Variants in ITGB3 observed in about 807,000 individuals in gnomAD.
ITGB3 encodes the protein integrin beta-3.
Under a neutral mutation model 85.8 loss-of-function variants are expected in ITGB3, and 48 were observed. That is an observed-to-expected ratio of 0.56 (90% CI 0.44 to 0.71). ITGB3 has a LOEUF of 0.71. ITGB3 is among the 30% of genes least tolerant of loss of function. The pLI, the probability that ITGB3 is intolerant of heterozygous loss-of-function variation, is 0.00. For missense variants in ITGB3, 861 were observed against 1,019.1 expected, an observed-to-expected ratio of 0.84 and a Z score of 2.11; for synonymous variants, 363 against 395.6, an observed-to-expected ratio of 0.92 and a Z score of 0.98.
At chr17:47,279,137 C>G (rs1389608125) in intron 2 of ITGB3, among the ~76,000 whole-genome samples, 1 of 152,096 alleles carries the variant, frequency 6.6e-6, no homozygotes, top group Non-Finnish European at 1.5e-5. Context: ...AGAATGGTAC[C>G]AAGAGCGTGT....
At chr17:47,259,121 G>C (rs2065000401) in intron 1 of ITGB3, among the ~76,000 whole-genome samples, 1 of 152,190 alleles carries the variant, frequency 6.6e-6, no homozygotes, top group South Asian at 2.1e-4. Context: ...CATGTGCTAA[G>C]TAGTTAAAGA....
At chr17:47,278,717 C>T (rs565324929) in intron 2 of ITGB3, among the ~76,000 whole-genome samples, 111 of 152,308 alleles carry the variant, frequency 7.3e-4, no homozygotes, top group African/African-American at 2.6e-3. Context: ...GGTGAGTGAG[C>T]ATTACCGCCT....
chr17:47,270,095 A>T (rs1181242392), intron 1 of ITGB3, among the ~76,000 whole-genome samples: 1 of 152,234 alleles, frequency 6.6e-6, no homozygotes, highest in Non-Finnish European at 1.5e-5. Flanking sequence ...CAACATGAGG[A>T]TAATCATCCC....
chr17:47,274,542 C>T (rs1323733888), intron 2 of ITGB3, 38 bp downstream of exon 2: 2 of 1,570,332 alleles, frequency 1.3e-6, no homozygotes, highest in Non-Finnish European at 1.8e-6. Context: ...CTTCTCCAGA[C>T]TAAGCTGCTT....
chr17:47,271,273 C>T (rs973804528), intron 1 of ITGB3, among the ~76,000 whole-genome samples: 5 of 152,164 alleles, frequency 3.3e-5, no homozygotes, highest in African/African-American at 1.2e-4. Context: ...TCTGTTAGAC[C>T]TCCTGTCCCC....
intron 2 of ITGB3, among the ~76,000 whole-genome samples, chr17:47,280,727 T>C (rs1444545111): frequency 6.6e-6 from 1 of 152,116 alleles, no homozygotes; most frequent in Non-Finnish European, 1.5e-5. Context: ...GGCTGCCAGG[T>C]TGCTTGAGGG....
intron 1 of ITGB3, among the ~76,000 whole-genome samples, chr17:47,269,986 T>A (rs980864820): frequency 4.6e-5 from 7 of 152,224 alleles, no homozygotes; most frequent in African/African-American, 1.4e-4. Flanking sequence ...AAACACATCC[T>A]TCTTCACATG....
At chr17:47,284,089 G>C (rs1403406345) in intron 3 of ITGB3, among the ~76,000 whole-genome samples, 2 of 152,188 alleles carry the variant, frequency 1.3e-5, no homozygotes, top group Non-Finnish European at 2.9e-5. Context: ...GCATGTGTTG[G>C]ATGCAATGGG....
Position 47,260,174 on chromosome 17 carries a change from TAAG to T in ITGB3, c.79+6237_79+6239del, listed in dbSNP as rs1483890818. Among the ~76,000 whole-genome samples the T allele has an allele frequency of 9.9e-5, 15 of 152,266 alleles. No individual in the cohort carries two copies. The East Asian group carries it at 2.9e-3, about 29-fold the overall frequency. On this transcript the variant is annotated intron_variant, in intron 1 of 14. Transcript: ENST00000559488. ...GTGGAAAGAACAACGTATCTGGAAT[TAAG>T]AAACCTACATTCGATTCACAGTTCT... is the stretch of plus-strand genomic sequence containing the variant.
chr17:47,260,832 G>C (rs1476081083), intron 1 of ITGB3, among the ~76,000 whole-genome samples: 1 of 150,234 alleles, frequency 6.7e-6, no homozygotes, highest in Non-Finnish European at 1.5e-5. Context: ...TATTATTATT[G>C]TTTGAAATTG....
intron 12 of ITGB3, among the ~76,000 whole-genome samples, chr17:47,300,885 T>C (rs2065164959): frequency 6.6e-6 from 1 of 152,206 alleles, no homozygotes; most frequent in Non-Finnish European, 1.5e-5. Context: ...TATCCCATTT[T>C]ACAGATGAAA....
chr17:47,263,055 G>A (rs3892084), intron 1 of ITGB3, among the ~76,000 whole-genome samples: 26,632 of 152,110 alleles, frequency 0.18, 2,717 homozygotes, highest in East Asian at 0.49. Context: ...ACTGGGCCTT[G>A]GAGAGAGCAC....
Position 47,286,250 on chromosome 17 carries a change from C to G in ITGB3, c.615-10C>G. On this transcript the variant is annotated splice_polypyrimidine_tract_variant and intron_variant, in intron 4 of 14. Transcript: ENST00000559488. ...GGTGTCTGCTTAAATTATCTCCCATCCCTCCCCAGTATGAAGACCACCTGC... is the reference window on the plus strand; with the variant it reads ...GGTGTCTGCTTAAATTATCTCCCATGCCTCCCCAGTATGAAGACCACCTGC... 1.2e-6 allele frequency: 2 copies of G among 1,614,104 alleles called. No homozygotes were observed. Among genetic ancestry groups the G allele is most frequent in the Non-Finnish European group, 1.7e-6 (2 of 1,179,996 alleles).
chr17:47,310,110 T>C, intron 14 of ITGB3, 29 bp from the exon 15 acceptor site: 1 of 1,604,680 alleles, frequency 6.2e-7, no homozygotes, highest in Non-Finnish European at 8.5e-7. Flanking sequence ...AGGAAGTCAC[T>C]GTAAGATGCT....
chr17:47,274,139 C>T lies in ITGB3; in HGVS notation c.80-280C>T, dbSNP rs8078614. Among the ~76,000 whole-genome samples, 29,859 of 152,136 alleles carry T rather than the reference C, an allele frequency of 0.2. 3,130 individuals carry two copies. The highest frequency in any genetic ancestry group is 0.35 in the East Asian group (1,787 of 5,174). On this transcript the variant is annotated intron_variant, in intron 1 of 14. Transcript: ENST00000559488. Reference sequence around the variant, plus strand: ...TTAATTAAAGCCTTTCCATCAGTTACGATCTGAGACTTGCGTCCATGGCTC... The same window carrying T: ...TTAATTAAAGCCTTTCCATCAGTTATGATCTGAGACTTGCGTCCATGGCTC...
chr17:47,306,690 A>T (rs2065189312), intron 13 of ITGB3, among the ~76,000 whole-genome samples: 1 of 151,858 alleles, frequency 6.6e-6, no homozygotes. Flanking sequence ...TTATTTATTT[A>T]TTTATTTTGA....
chr17:47,255,968 A>AAAAT (rs574713478), intron 1 of ITGB3, among the ~76,000 whole-genome samples: 5,798 of 150,934 alleles, frequency 0.038, 276 homozygotes, highest in African/African-American at 0.11. Context: ...CAACTCAGTA[A>AAAAT]AAATAAATAA....
Position 47,309,358 on chromosome 17 carries a change from T to G in ITGB3, c.2302-781T>G, listed in dbSNP as rs529799413. Among the ~76,000 whole-genome samples the G allele has an allele frequency of 2.2e-4, 33 of 152,252 alleles. No homozygotes were observed. In the South Asian group the frequency reaches 6.7e-3, roughly 31 times the overall value. On this transcript the variant is annotated intron_variant, in intron 14 of 14. Transcript: ENST00000559488. Reference sequence around the variant, plus strand: ...ATAAACCACCATGCCTGGCCATGGTTAGTGCTTGGCCAGATTAGATGAAAA... The same window carrying G: ...ATAAACCACCATGCCTGGCCATGGTGAGTGCTTGGCCAGATTAGATGAAAA...
At chr17:47,287,911 C>CTTTTTTTTTTTTTT (rs60463106) in intron 6 of ITGB3, among the ~76,000 whole-genome samples, 1 of 55,390 alleles carries the variant, frequency 1.8e-5, no homozygotes, top group Non-Finnish European at 3.2e-5. Flanking sequence ...ACCACCCCTG[C>CTTTTTTTTTTTTTT]TTTTTTTTTT....
Sources: gnomAD v4.1 joint callset for allele counts (sites outside exome capture counted in the v4.1 genomes callset) on GRCh38, gnomAD v4.1.1 for gene constraint, MANE v1.5 for transcripts, NCBI Gene and HGNC (gene_info 2026-07-23, HGNC 2026-07-21) for gene names.